QRICH1: variants seen among roughly 807,000 people sequenced by gnomAD.
The protein encoded by QRICH1 is transcriptional regulator QRICH1.
In QRICH1, 16 loss-of-function variants were observed where a neutral mutation model predicts 87.1. The ratio of observed to expected loss-of-function variants is 0.18; its 90% confidence interval spans 0.12 to 0.28. The LOEUF (loss-of-function observed/expected upper bound fraction) is 0.28. Among genes scored for constraint, QRICH1 ranks in the 10% least tolerant of loss-of-function variants. QRICH1 has a pLI of 1.00. For synonymous variants in QRICH1, 367 were observed against 368.4 expected, an observed-to-expected ratio of 1.00 and a Z score of 0.05; for missense variants, 647 against 951.7, an observed-to-expected ratio of 0.68 and a Z score of 4.21.
At chr3:49,056,471 T>A (rs1233516114) in intron 3 of QRICH1, among the ~76,000 whole-genome samples, 2 of 152,332 alleles carry the variant, frequency 1.3e-5, no homozygotes, top group Admixed American at 1.3e-4. Flanking sequence ...ATCTATGTGA[T>A]AAACTACAAG....
intron 3 of QRICH1, among the ~76,000 whole-genome samples, chr3:49,053,486 C>CAAAAAA (rs11417565): frequency 8.9e-6 from 1 of 112,906 alleles, no homozygotes. Flanking sequence ...CCCCCTGTCT[C>CAAAAAA]AAAAAAAAAA....
At chr3:49,032,528 A>G in intron 8 of QRICH1, 94 bp downstream of exon 8, 1 of 1,427,248 alleles carries the variant, frequency 7.0e-7, no homozygotes, top group South Asian at 1.4e-5. Context: ...GCAAATCCCA[A>G]CCTTTACACT....
At chr3:49,093,689 C>T (rs2042325465) in intron 1 of QRICH1, 2 of 224,768 alleles carry the variant, frequency 8.9e-6, no homozygotes, top group Non-Finnish European at 8.7e-6. Context: ...CCCGCACCGG[C>T]GCGCCATCTC....
At chr3:49,063,778 A>G (rs2093449454) in intron 2 of QRICH1, among the ~76,000 whole-genome samples, 1 of 152,230 alleles carries the variant, frequency 6.6e-6, no homozygotes, top group South Asian at 2.1e-4. Context: ...TGGACAACAA[A>G]GTGAAACTCT....
intron 1 of QRICH1, among the ~76,000 whole-genome samples, chr3:49,079,092 G>T (rs1476976355): frequency 6.6e-6 from 1 of 152,022 alleles, no homozygotes; most frequent in African/African-American, 2.4e-5. Flanking sequence ...AAAATTAACT[G>T]GGTATGGTGG....
chr3:49,070,742 A>G (rs957959765), intron 2 of QRICH1, among the ~76,000 whole-genome samples: 2 of 152,106 alleles, frequency 1.3e-5, no homozygotes, highest in African/African-American at 4.8e-5. Context: ...GCCTGGCCAG[A>G]ATTCTTTATT....
At chr3:49,080,171 T>C (rs570691348) in intron 1 of QRICH1, among the ~76,000 whole-genome samples, 3 of 152,312 alleles carry the variant, frequency 2.0e-5, no homozygotes, top group South Asian at 2.1e-4. Flanking sequence ...ACAGGTCCTC[T>C]ACCATGCTGG....
chr3:49,083,705 C>T (rs1405232002), intron 1 of QRICH1, among the ~76,000 whole-genome samples: 1 of 151,698 alleles, frequency 6.6e-6, no homozygotes, highest in Non-Finnish European at 1.5e-5. Flanking sequence ...CAGTTTGAGC[C>T]TGCAATGAGC....
chr3:49,068,798 T>A (rs2093483299), intron 2 of QRICH1, among the ~76,000 whole-genome samples: 1 of 151,464 alleles, frequency 6.6e-6, no homozygotes, highest in Non-Finnish European at 1.5e-5. Context: ...CTGGCCAATT[T>A]TTTGTATTTT....
At chr3:49,079,836 C>T (rs905824829) in intron 1 of QRICH1, among the ~76,000 whole-genome samples, 32 of 152,168 alleles carry the variant, frequency 2.1e-4, no homozygotes. Flanking sequence ...TGAGACCAGC[C>T]TGGCCAACAA....
intron 1 of QRICH1, chr3:49,087,061 A>C (rs1277233835): frequency 6.6e-6 from 1 of 151,864 alleles, no homozygotes; most frequent in East Asian, 2.0e-4. Context: ...GTTCAAGACC[A>C]GTCTGGCCAA....
chr3:49,077,249 G>T (rs2041968631), intron 1 of QRICH1, among the ~76,000 whole-genome samples: 1 of 151,910 alleles, frequency 6.6e-6, no homozygotes, highest in Non-Finnish European at 1.5e-5. Flanking sequence ...CTATCACACT[G>T]AAAACAAAAA....
At chr3:49,031,445 G>A (rs942172654) in intron 9 of QRICH1, among the ~76,000 whole-genome samples, 4 of 152,038 alleles carry the variant, frequency 2.6e-5, no homozygotes, top group Admixed American at 6.6e-5. Flanking sequence ...TTTATTCAAG[G>A]GTTACTAGTG....
rs779282835 is a variant in QRICH1 at position 49,057,174 on chromosome 3, G to A, written c.1026C>T (p.Val342=). 4.3e-6 allele frequency: 7 copies of A among 1,614,240 alleles called. No homozygotes were observed. Among genetic ancestry groups the A allele is most frequent in the South Asian group, 1.1e-5 (1 of 91,084 alleles). The change falls in exon 3 of 10, where the codon GTC becomes GTT. Residue 342 remains valine (V), a synonymous_variant. Transcript: ENST00000395443. This position sits in a 1 kb window ranked among gnomAD's most constrained non-coding sequence, Gnocchi z 5.4. ...CTGCCAGGGCTGTGGGTGAGCCACTGACGTGAACTGCGTTGTAGGCTTCCT... is the reference window on the plus strand; with the variant it reads ...CTGCCAGGGCTGTGGGTGAGCCACTAACGTGAACTGCGTTGTAGGCTTCCT... ...IPQEAYNAVH[V]SGSPTALAAV...
chr3:49,076,805 C>A lies in QRICH1; in HGVS notation c.213G>T (p.Gly71=). ...CTGGACAGGCAAGTTCAAGCAAAGACCCAGCCACTTCAGTGCTGTCTGTGT... is the reference window on the plus strand; with the variant it reads ...CTGGACAGGCAAGTTCAAGCAAAGAACCAGCCACTTCAGTGCTGTCTGTGT... ...CIYTDSTEVA[G]SLLELACPVT... The change falls in exon 2 of 10, where the codon GGG becomes GGT. Residue 71 remains glycine, a synonymous_variant. Transcript: ENST00000395443. 1 of 1,613,172 alleles carries A rather than the reference C, an allele frequency of 6.2e-7. No individual in the cohort carries two copies. The highest frequency in any genetic ancestry group is 8.5e-7 in the Non-Finnish European group (1 of 1,179,464).
At chr3:49,046,954 A>G (rs2093342494) in intron 4 of QRICH1, 115 bp downstream of exon 4, 2 of 1,183,316 alleles carry the variant, frequency 1.7e-6, no homozygotes, top group Non-Finnish European at 1.2e-6. Context: ...ACTATTACAG[A>G]TGTTGCTCTC....
At chr3:49,072,321 A>C (rs562281503) in intron 2 of QRICH1, among the ~76,000 whole-genome samples, 1 of 151,940 alleles carries the variant, frequency 6.6e-6, no homozygotes, top group Non-Finnish European at 1.5e-5. Context: ...AAAAATGAGT[A>C]AATCTCAGCC....
At chr3:49,069,890 T>C (rs1293177323) in intron 2 of QRICH1, among the ~76,000 whole-genome samples, 4 of 152,156 alleles carry the variant, frequency 2.6e-5, no homozygotes, top group African/African-American at 9.6e-5. Flanking sequence ...TGTGTGTGTT[T>C]TGAAGTCTCT....
intron 6 of QRICH1, among the ~76,000 whole-genome samples, chr3:49,040,097 T>C (rs765828958): frequency 1.3e-5 from 2 of 152,238 alleles, no homozygotes; most frequent in Non-Finnish European, 2.9e-5. Flanking sequence ...AGATTTGCCA[T>C]GGAAAATGGG....
Sources: gnomAD v4.1 joint callset for allele counts (sites outside exome capture counted in the v4.1 genomes callset) on GRCh38, gnomAD v4.1.1 for gene constraint, Gnocchi (gnomAD v3.1) non-coding constraint, MANE v1.5 for transcripts, NCBI Gene and HGNC (gene_info 2026-07-23, HGNC 2026-07-21) for gene names.